BRDT: variants seen among roughly 807,000 people sequenced by gnomAD.
BRDT encodes the protein bromodomain testis-specific protein.
Under a neutral mutation model 113.9 loss-of-function variants are expected in BRDT, and 77 were observed. The ratio of observed to expected loss-of-function variants is 0.68; its 90% CI spans 0.56 to 0.82. The LOEUF (loss-of-function observed/expected upper bound fraction) is 0.82. Ranked by LOEUF, BRDT falls within the 40% of genes least tolerant of loss-of-function variation. The pLI is 0.00. For synonymous variants in BRDT, 358 were observed against 366.5 expected (o/e 0.98, Z 0.26); for missense variants, 1,027 against 1,105.4 (o/e 0.93, Z 1.01).
chr1:91,969,588 T>C (rs1557818435), intron 4 of BRDT, among the ~76,000 whole-genome samples: 1 of 152,144 alleles, frequency 6.6e-6, no homozygotes, highest in African/African-American at 2.4e-5. Flanking sequence ...ATTAGTATGG[T>C]ATTTAAATTG....
chr1:92,012,787 G>A (rs1687913205), intron 18 of BRDT, among the ~76,000 whole-genome samples: 1 of 152,028 alleles, frequency 6.6e-6, no homozygotes, highest in Non-Finnish European at 1.5e-5. Flanking sequence ...GTACGCACCT[G>A]TAGCCCCAGC....
chr1:91,967,873 C>T (rs974311170), intron 3 of BRDT, among the ~76,000 whole-genome samples: 9 of 152,106 alleles, frequency 5.9e-5, no homozygotes, highest in Admixed American at 2.0e-4. Context: ...AGTAGGATTG[C>T]TTGGATTGTA....
At chr1:92,014,148 G>A in intron 18 of BRDT, 58 bp from the exon 19 acceptor site, 1 of 1,102,966 alleles carries the variant, frequency 9.1e-7, no homozygotes. Flanking sequence ...TTATTGTATA[G>A]TTGTAGTAAA....
At chr1:91,981,432 A>T in intron 11 of BRDT, 51 bp downstream of exon 11, 1 of 1,540,572 alleles carries the variant, frequency 6.5e-7, no homozygotes, top group Non-Finnish European at 8.9e-7. Flanking sequence ...GTATGTAGAG[A>T]CAGGGTCTTG....
At position 91,949,524 on chromosome 1, in the gene BRDT, T is replaced by A. The variant is rs1297429409; in HGVS notation, c.-196T>A. On this transcript the variant is annotated 5_prime_UTR_variant, in exon 1 of 19. It removes an upstream start codon present in the reference 5' UTR. Coordinates refer to ENST00000399546, the MANE Select transcript of BRDT (RefSeq NM_207189.4). The stretch of plus-strand genomic sequence containing the variant: ...TAATATACAGGTAACATACAGGTAA[T>A]GTACCCTCCACAGGGGGTGCTGCCT... The A allele has an allele frequency of 6.6e-6, 1 of 152,246 alleles. No homozygotes were observed. The highest frequency in any genetic ancestry group is 1.5e-5 in the Non-Finnish European group (1 of 68,064). 9.4% of individuals were successfully genotyped at this position (152,246 alleles called of 1,614,324 possible). A position where few individuals can be genotyped will look rare whatever the true frequency, so the allele number is the denominator to read the frequency against.
intron 18 of BRDT, among the ~76,000 whole-genome samples, chr1:92,010,159 G>A (rs1687669542): frequency 6.6e-6 from 1 of 151,374 alleles, no homozygotes; most frequent in South Asian, 2.1e-4. Flanking sequence ...GAAAAATTTT[G>A]GCCATTATTT....
rs59044630 is a variant in BRDT, at chr1:92,009,545, CT to C, written c.2775+4265del. 1.8e-4 allele frequency among the ~76,000 whole-genome samples: 19 copies of C among 103,414 alleles called. 1 individual carries two copies. The South Asian group carries it at 2.1e-3, about 12-fold the overall frequency. 67.8% of individuals were successfully genotyped at this position (103,414 alleles called of 152,430 possible). On this transcript the variant is annotated intron_variant, in intron 18 of 18. Transcript: ENST00000399546. The stretch of plus-strand genomic sequence containing the variant: ...TGTTTGCAGGTTTTTCAACTTGCCA[CT>C]TTTTTTTTTTTTTTTTTTCTCTTGA...
intron 14 of BRDT, among the ~76,000 whole-genome samples, chr1:91,993,561 TTTTA>T (rs1685996691): frequency 6.6e-6 from 1 of 152,216 alleles, no homozygotes; most frequent in South Asian, 2.1e-4. Flanking sequence ...ACACTACAGC[TTTTA>T]TTTAATAGTT....
intron 16 of BRDT, among the ~76,000 whole-genome samples, 154 bp downstream of exon 16, chr1:92,002,303 G>C: frequency 6.6e-6 from 1 of 152,070 alleles, no homozygotes; most frequent in East Asian, 1.9e-4. Context: ...AAGTACTTCT[G>C]AGCAACATCC....
At chr1:91,984,387 A>G (rs576831312) in intron 12 of BRDT, among the ~76,000 whole-genome samples, 1 of 152,306 alleles carries the variant, frequency 6.6e-6, no homozygotes, top group African/African-American at 2.4e-5. Context: ...AAGCAAGTCA[A>G]ATCATATCAT....
At chr1:92,012,432 C>A (rs914736465) in intron 18 of BRDT, among the ~76,000 whole-genome samples, 6 of 152,150 alleles carry the variant, frequency 3.9e-5, no homozygotes, top group Admixed American at 6.5e-5. Context: ...TACACACAAC[C>A]TTTAAATAAA....
intron 1 of BRDT, among the ~76,000 whole-genome samples, chr1:91,951,331 T>A (rs1482772565): frequency 6.6e-6 from 1 of 152,156 alleles, no homozygotes; most frequent in East Asian, 1.9e-4. Flanking sequence ...AGTGATTGAA[T>A]AAAAGCAGTG....
intron 1 of BRDT, among the ~76,000 whole-genome samples, chr1:91,959,299 CAG>C (rs1374407872): frequency 5.9e-5 from 9 of 152,056 alleles, no homozygotes; most frequent in South Asian, 4.1e-4. Flanking sequence ...GTTACAGTGA[CAG>C]GGGCACCTAA....
intron 4 of BRDT, among the ~76,000 whole-genome samples, chr1:91,972,461 T>C (rs191030934): frequency 2.6e-5 from 4 of 152,220 alleles, no homozygotes; most frequent in Admixed American, 2.6e-4. Flanking sequence ...TTTTTGTCTG[T>C]TTCTTACACT....
chr1:91,970,910 C>CAAAA (rs56365341), intron 4 of BRDT, among the ~76,000 whole-genome samples: 11 of 113,944 alleles, frequency 9.7e-5, no homozygotes, highest in African/African-American at 3.4e-4. Flanking sequence ...GACCCTTTCT[C>CAAAA]AAAAAAAAAA....
Position 91,986,780 on chromosome 1 carries a change from A to G in BRDT, c.2003-4404A>G, listed in dbSNP as rs374426296. ...TTTTTCATGCAAGGTTTGGAAACCAACAAACTTTGTTCAAGCCTAGATTTT... is the reference window on the plus strand; with the variant it reads ...TTTTTCATGCAAGGTTTGGAAACCAGCAAACTTTGTTCAAGCCTAGATTTT... On this transcript the variant is annotated intron_variant, in intron 12 of 18. Coordinates refer to ENST00000399546, the MANE Select transcript of BRDT (RefSeq NM_207189.4). Among the ~76,000 whole-genome samples, 11 of 152,316 alleles carry G rather than the reference A, an allele frequency of 7.2e-5. No individual in the cohort carries two copies. In the East Asian group the frequency reaches 1.7e-3, roughly 24 times the overall value.
At chr1:92,008,779 G>A (rs918186621) in intron 18 of BRDT, among the ~76,000 whole-genome samples, 2 of 152,058 alleles carry the variant, frequency 1.3e-5, no homozygotes, top group Admixed American at 1.3e-4. Flanking sequence ...TCAGATTGTT[G>A]TCTTTCACTT....
intron 4 of BRDT, among the ~76,000 whole-genome samples, chr1:91,973,925 T>C (rs1308616750): frequency 6.6e-6 from 1 of 152,082 alleles, no homozygotes; most frequent in Non-Finnish European, 1.5e-5. Flanking sequence ...ATGGTACTGG[T>C]ACCAAAACAG....
At chr1:91,972,059 G>A (rs1386778065) in intron 4 of BRDT, among the ~76,000 whole-genome samples, 1 of 147,064 alleles carries the variant, frequency 6.8e-6, no homozygotes, top group South Asian at 2.1e-4. Context: ...AGTCTCCTTA[G>A]CACAAATTCT....
Sources: gnomAD v4.1 joint callset for allele counts (sites outside exome capture counted in the v4.1 genomes callset) on GRCh38, gnomAD v4.1.1 for gene constraint, MANE v1.5 for transcripts, NCBI Gene and HGNC (gene_info 2026-07-23, HGNC 2026-07-21) for gene names.